The following PTGER3 variants were observed in gnomAD, a reference collection of about 807,000 sequenced individuals.
PTGER3 encodes the protein prostaglandin E2 receptor EP3 subtype.
Under a neutral mutation model 34.7 loss-of-function variants are expected in PTGER3, and 22 were observed. The observed-to-expected ratio is 0.63, with a 90% CI of 0.45 to 0.91. The LOEUF (loss-of-function observed/expected upper bound fraction) is 0.91, where lower values mean the gene tolerates loss of function less well. Among genes scored for constraint, PTGER3 ranks in the 40% least tolerant of loss-of-function variants. PTGER3 has a pLI of 0.00. For missense variants in PTGER3, 468 were observed against 519.4 expected (o/e 0.90, Z 0.96); for synonymous variants, 241 against 230.1 (o/e 1.05, Z -0.43).
At chr1:70,913,922 T>C (rs762302736) in intron 4 of PTGER3, among the ~76,000 whole-genome samples, 76 of 151,922 alleles carry the variant, frequency 5.0e-4, no homozygotes, top group Non-Finnish European at 8.3e-4. Context: ...GATAATGTTA[T>C]GTAGTTTGCA....
chr1:71,030,102 C>G (rs1659280588), intron 1 of PTGER3, among the ~76,000 whole-genome samples: 1 of 152,018 alleles, frequency 6.6e-6, no homozygotes, highest in Admixed American at 6.6e-5. Context: ...GAGCTGCAAA[C>G]TGATTTTTAT....
At chr1:70,973,257 AGAT>A (rs1475938823) in intron 3 of PTGER3, among the ~76,000 whole-genome samples, 1 of 144,472 alleles carries the variant, frequency 6.9e-6, no homozygotes, top group Admixed American at 6.9e-5. Context: ...ATAGATAGAT[AGAT>A]AGATAGATGA....
intron 1 of PTGER3, among the ~76,000 whole-genome samples, chr1:71,029,785 G>T (rs1413918297): frequency 6.6e-6 from 1 of 151,962 alleles, no homozygotes; most frequent in African/African-American, 2.4e-5. Context: ...AATTAGCTGG[G>T]TGTGTTGGTG....
chr1:70,867,645 A>C (rs1315706735), intron 4 of PTGER3, among the ~76,000 whole-genome samples: 1 of 152,096 alleles, frequency 6.6e-6, no homozygotes, highest in Non-Finnish European at 1.5e-5. Flanking sequence ...GAATTGCTTG[A>C]ACCTGGGAGG....
At chr1:71,012,930 A>G (rs1657574358) in intron 1 of PTGER3, among the ~76,000 whole-genome samples, 1 of 151,178 alleles carries the variant, frequency 6.6e-6, no homozygotes, top group Non-Finnish European at 1.5e-5. Context: ...AGGAAATATT[A>G]TTATTATTAT....
chr1:70,893,678 C>T (rs572914329), intron 4 of PTGER3, among the ~76,000 whole-genome samples: 21 of 152,194 alleles, frequency 1.4e-4, no homozygotes, highest in Admixed American at 2.6e-4. Context: ...GACTTTTCTG[C>T]GAATTTATAG....
chr1:70,858,275 C>T (rs1353219230), intron 4 of PTGER3, among the ~76,000 whole-genome samples: 2 of 147,330 alleles, frequency 1.4e-5, no homozygotes, highest in African/African-American at 5.0e-5. Flanking sequence ...ATAGGAAGTA[C>T]ACAGAAAAAG....
chr1:70,995,696 G>A (rs1655875931), intron 2 of PTGER3, among the ~76,000 whole-genome samples: 1 of 151,866 alleles, frequency 6.6e-6, no homozygotes, highest in Non-Finnish European at 1.5e-5. Context: ...ACACTCCCTA[G>A]CTAACTAAAA....
At chr1:71,002,375 A>G (rs1208128925) in intron 2 of PTGER3, 3 of 152,270 alleles carry the variant, frequency 2.0e-5, no homozygotes, top group Non-Finnish European at 4.4e-5. Context: ...GCAAATAACC[A>G]GTAAATAACA....
intron 3 of PTGER3, among the ~76,000 whole-genome samples, chr1:70,972,655 A>G (rs536628813): frequency 6.6e-6 from 1 of 152,162 alleles, no homozygotes; most frequent in Non-Finnish European, 1.5e-5. Flanking sequence ...AGTAAGCTAC[A>G]GTGTATTATT....
rs1038362782 is a variant in PTGER3 at position 70,882,764 on chromosome 1, C to T, written c.*24-29905G>A. On this transcript the variant is annotated intron_variant, in intron 4 of 4. Coordinates refer to the PTGER3 transcript ENST00000370931. ...TTCTAGGGGGCTCTCACTCGCTCAC[C>T]CTTTACCATGTGGGAGAGGTTCTCC... 2.0e-5 allele frequency among the ~76,000 whole-genome samples: 3 copies of T among 152,100 alleles called. No homozygotes were observed. In the South Asian group the frequency reaches 6.2e-4, roughly 32 times the overall value.
intron 4 of PTGER3, among the ~76,000 whole-genome samples, chr1:70,860,984 A>C (rs1457802406): frequency 1.3e-5 from 2 of 152,186 alleles, no homozygotes; most frequent in African/African-American, 4.8e-5. Flanking sequence ...AGGACAATTT[A>C]AAAGGAAAGT....
At chr1:71,009,179 C>T in intron 2 of PTGER3, 1 of 985,158 alleles carries the variant, frequency 1.0e-6, no homozygotes, top group Non-Finnish European at 1.2e-6. Context: ...CACAGAGTGA[C>T]CCCCTTATTA....
intron 1 of PTGER3, among the ~76,000 whole-genome samples, chr1:71,022,599 T>A (rs929277563): frequency 4.0e-5 from 6 of 151,828 alleles, no homozygotes; most frequent in Non-Finnish European, 5.9e-5. Flanking sequence ...TAGATGCATC[T>A]TATATTCAGG....
At chr1:70,852,768 G>A (rs1271447709) in exon 5 of PTGER3, 1 of 1,550,910 alleles carries the variant, frequency 6.4e-7, no homozygotes, top group African/African-American at 1.4e-5. Context: ...GTGTTTCTGT[G>A]ATTTTTTTTT....
chr1:70,986,127 T>C (rs543507873), intron 2 of PTGER3, among the ~76,000 whole-genome samples: 42 of 152,160 alleles, frequency 2.8e-4, no homozygotes, highest in Admixed American at 5.2e-4. Context: ...CATGACAGTT[T>C]ACAAATGCCA....
At chr1:70,893,655 C>T (rs1646665872) in intron 4 of PTGER3, among the ~76,000 whole-genome samples, 1 of 152,114 alleles carries the variant, frequency 6.6e-6, no homozygotes, top group Non-Finnish European at 1.5e-5. Context: ...AGAACTCTTC[C>T]CTGAATAGTC....
At chr1:70,971,873 T>C in intron 3 of PTGER3, 140 bp from the exon 4 acceptor site, 1 of 545,678 alleles carries the variant, frequency 1.8e-6, no homozygotes, top group Admixed American at 3.2e-5. Context: ...TTTGAAGTAA[T>C]TACATGTGTT....
At chr1:70,857,459 A>AT (rs1312333464) in intron 4 of PTGER3, among the ~76,000 whole-genome samples, 1 of 151,448 alleles carries the variant, frequency 6.6e-6, no homozygotes, top group African/African-American at 2.4e-5. Context: ...TGCTTTCAAG[A>AT]TTTTTTTGTT....
Sources: gnomAD v4.1 joint callset for allele counts (sites outside exome capture counted in the v4.1 genomes callset) on GRCh38, gnomAD v4.1.1 for gene constraint, MANE v1.5 for transcripts, NCBI Gene and HGNC (gene_info 2026-07-23, HGNC 2026-07-21) for gene names.